Variants in KIFC3 observed in about 807,000 individuals in gnomAD.
KIFC3 encodes kinesin family member C3.
A neutral mutation model predicts 101.8 loss-of-function variants in KIFC3; 60 were observed. The observed-to-expected ratio is 0.59, with a 90% CI of 0.48 to 0.73. KIFC3 has a LOEUF of 0.73. Ranked by LOEUF, KIFC3 falls within the 30% of genes least tolerant of loss-of-function variation. KIFC3 has a pLI of 0.00. For synonymous variants in KIFC3, 476 were observed against 482.7 expected (o/e 0.99, Z 0.18); for missense variants, 966 against 1,137.1 (o/e 0.85, Z 2.16).
intron 9 of KIFC3, among the ~76,000 whole-genome samples, chr16:57,768,542 A>ACACACACACACACACACAG (rs1567960407): frequency 4.3e-5 from 1 of 23,264 alleles, no homozygotes; most frequent in Non-Finnish European, 9.0e-5. Context: ...CACACGCACA[A>ACACACACACACACACACAG]TTGGCTTAAG....
Position 57,758,523 on chromosome 16 carries a change from A to C in KIFC3, c.*411T>G. 1 of 534,812 alleles carries C rather than the reference A, an allele frequency of 1.9e-6. No homozygotes were observed. The allele number at this position is 534,812 out of a possible 1,614,324, so 33.1% of individuals were successfully genotyped here. ...CCCCATGGTTCTTGGGTCTGCCCAG[A>C]GGCTCCTCGCCCACCCCCTAAGGAG... On this transcript the variant is annotated 3_prime_UTR_variant, in exon 20 of 20. Coordinates refer to ENST00000445690, the MANE Select transcript of KIFC3 (RefSeq NM_001130100.2).
Position 57,764,132 on chromosome 16 carries a change from G to A in KIFC3, c.1617+11C>T. On this transcript the variant is annotated intron_variant, in intron 12 of 19. Coordinates refer to ENST00000445690, the MANE Select transcript of KIFC3 (RefSeq NM_001130100.2). ...TCACTGTGAACCCCCACCCCATTGG[G>A]CAGCACCCACCTCCATCGTGTACGT... 1 of 1,599,982 alleles carries A rather than the reference G, an allele frequency of 6.3e-7. No individual in the cohort carries two copies. Among genetic ancestry groups the A allele is most frequent in the Non-Finnish European group, 8.6e-7 (1 of 1,169,236 alleles).
intron 1 of KIFC3, among the ~76,000 whole-genome samples, chr16:57,853,147 G>A (rs183092754): frequency 1.2e-4 from 18 of 152,208 alleles, no homozygotes; most frequent in East Asian, 3.9e-4. Context: ...GCCCGGGCGC[G>A]GTGGCTCACT....
chr16:57,791,066 T>G (rs2053830556), intron 3 of KIFC3: 1 of 256,046 alleles, frequency 3.9e-6, no homozygotes, highest in South Asian at 1.5e-4. Flanking sequence ...AAACCCTGTC[T>G]CTACAAAAAA....
chr16:57,834,265 C>T (rs1397102129), intron 1 of KIFC3, among the ~76,000 whole-genome samples: 1 of 152,130 alleles, frequency 6.6e-6, no homozygotes, highest in African/African-American at 2.4e-5. Context: ...TGAAAATAAT[C>T]TCCCAGTATT....
At chr16:57,791,617 C>T (rs782357608) in intron 3 of KIFC3, among the ~76,000 whole-genome samples, 7 of 152,108 alleles carry the variant, frequency 4.6e-5, no homozygotes, top group African/African-American at 1.2e-4. Context: ...AGGATGTGAA[C>T]GTGGAAGCTA....
chr16:57,850,987 TTCCTTCCTTCCCTCCC>T (rs2056045356), intron 1 of KIFC3, among the ~76,000 whole-genome samples: 4 of 121,658 alleles, frequency 3.3e-5, no homozygotes, highest in South Asian at 2.9e-4. Context: ...CCTTCCTTCC[TTCCTTCCTTCCCTCCC>T]TCCCTCCTTT....
intron 10 of KIFC3, 40 bp downstream of exon 10, chr16:57,766,834 C>A: frequency 6.7e-7 from 1 of 1,482,256 alleles, no homozygotes; most frequent in Non-Finnish European, 9.3e-7. Flanking sequence ...AGGTCGAGGA[C>A]CCCGAGGCCA....
chr16:57,807,929 T>TTAAA (rs1292490841), upstream of KIFC3: 1 of 81,562 alleles, frequency 1.2e-5, no homozygotes, highest in African/African-American at 4.9e-5. Flanking sequence ...GATCCTGTCT[T>TTAAA]AAAAAAAAAA....
chr16:57,818,759 G>A (rs568165522), intron 1 of KIFC3, among the ~76,000 whole-genome samples: 10 of 152,292 alleles, frequency 6.6e-5, no homozygotes, highest in African/African-American at 2.4e-4. Context: ...TAAGCTCCTC[G>A]AGGCTATTTG....
chr16:57,805,321 A>T (rs954062173), upstream of KIFC3, among the ~76,000 whole-genome samples: 1 of 152,180 alleles, frequency 6.6e-6, no homozygotes, highest in South Asian at 2.1e-4. Context: ...GTCATCAGGA[A>T]CTACGTACCA....
intron 6 of KIFC3, 94 bp from the exon 7 acceptor site, chr16:57,770,794 G>C (rs571968679): frequency 9.0e-7 from 1 of 1,109,544 alleles, no homozygotes. Flanking sequence ...AGGAACTCTC[G>C]GGAACATCCC....
At chr16:57,775,966 G>A (rs1261977867) in intron 3 of KIFC3, 2 of 985,388 alleles carry the variant, frequency 2.0e-6, no homozygotes, top group Non-Finnish European at 2.4e-6. Context: ...AGGGAGCTGG[G>A]CCTGTCTGCC....
intron 13 of KIFC3, among the ~76,000 whole-genome samples, chr16:57,761,758 G>T (rs1365804204): frequency 6.6e-6 from 1 of 152,048 alleles, no homozygotes; most frequent in Non-Finnish European, 1.5e-5. Flanking sequence ...GCCCCTAGCT[G>T]CCCACTCTCA....
chr16:57,773,725 C>A (rs139686869), intron 3 of KIFC3: 1 of 152,240 alleles, frequency 6.6e-6, no homozygotes, highest in Non-Finnish European at 1.5e-5. Context: ...ATAGTTAAGA[C>A]AGGCCGGACA....
At chr16:57,845,214 C>T (rs918637736) in intron 1 of KIFC3, among the ~76,000 whole-genome samples, 1 of 152,144 alleles carries the variant, frequency 6.6e-6, no homozygotes, top group African/African-American at 2.4e-5. Context: ...GCAGGTGCAG[C>T]CTTCATGTTA....
At chr16:57,783,445 A>C (rs1364218734) in intron 3 of KIFC3, among the ~76,000 whole-genome samples, 1 of 148,940 alleles carries the variant, frequency 6.7e-6, no homozygotes, top group Non-Finnish European at 1.5e-5. Flanking sequence ...CATGTGAATT[A>C]TATCTCCACA....
In KIFC3 at chr16:57,769,808, C is replaced by T. The variant is rs2050935332; in HGVS notation, c.1087G>A (p.Gly363Ser). ...EMKAVHENLA[G>S]VRTNLLTLQP... is the part of the protein sequence containing the mutation. Reference sequence around the variant, plus strand: ...GACAGGGCCCAGCTGGTCAGCTCACCTGCTAGATTCTCGTGCACAGCCTTC... The same window carrying T: ...GACAGGGCCCAGCTGGTCAGCTCACTTGCTAGATTCTCGTGCACAGCCTTC... Residue 363 changes from glycine to serine, a missense_variant and splice_region_variant, in exon 8 of 20, where the codon GGC becomes AGC. Around this residue, in one of 2 missense-constraint regions of KIFC3, gnomAD observed 689 missense variants for 884.6 expected, o/e 0.78. Coordinates refer to ENST00000445690, the MANE Select transcript of KIFC3 (RefSeq NM_001130100.2). This position sits in a 1 kb window ranked among gnomAD's most constrained non-coding sequence, Gnocchi z 4.3. The T allele has an allele frequency of 1.2e-6, 2 of 1,613,286 alleles. No homozygotes were observed. The highest frequency in any genetic ancestry group is 1.7e-5 in the Admixed American group (1 of 59,992).
intron 1 of KIFC3, among the ~76,000 whole-genome samples, chr16:57,840,902 G>A (rs1162542203): frequency 6.6e-6 from 1 of 152,110 alleles, no homozygotes; most frequent in Non-Finnish European, 1.5e-5. Context: ...GATGTCTTTG[G>A]AAGCCTCACC....
Sources: allele counts gnomAD v4.1 joint callset (sites outside exome capture counted in the v4.1 genomes callset), GRCh38; gene constraint gnomAD v4.1.1; regional missense constraint gnomAD v4.1.1; non-coding constraint Gnocchi (gnomAD v3.1); transcripts MANE v1.5; gene names NCBI Gene and HGNC (gene_info 2026-07-23, HGNC 2026-07-21).